KCTD13: variants seen among roughly 807,000 people sequenced by gnomAD.
The protein encoded by KCTD13 is potassium channel tetramerization domain containing 13.
In KCTD13, 15 loss-of-function variants were observed where a neutral mutation model predicts 32.3. The ratio of observed to expected loss-of-function variants is 0.46; its 90% CI spans 0.31 to 0.71. KCTD13 has a LOEUF of 0.71. KCTD13 is among the 30% of genes least tolerant of loss of function. The probability of loss-of-function intolerance (pLI) is 0.05; values close to 1 mark genes in which losing one functional copy is unlikely to be tolerated. For synonymous variants in KCTD13, 189 were observed against 200.1 expected (o/e 0.94, Z 0.47); for missense variants, 337 against 452.6 (o/e 0.74, Z 2.32).
intron 2 of KCTD13, chr16:29,919,465 A>C (rs1045439207): frequency 6.6e-6 from 1 of 152,222 alleles, no homozygotes; most frequent in African/African-American, 2.4e-5. Flanking sequence ...TATAACTCTT[A>C]TCATCTCTTC....
chr16:29,924,426 G>A (rs747115557), intron 1 of KCTD13, among the ~76,000 whole-genome samples: 2 of 152,000 alleles, frequency 1.3e-5, no homozygotes, highest in African/African-American at 4.8e-5. Flanking sequence ...GTTAACCCCC[G>A]AAGTTAATTC....
In KCTD13 at chr16:29,906,463, G is replaced by A. The variant is rs918005862; in HGVS notation, c.*409C>T. 3.2e-5 allele frequency: 15 copies of A among 463,268 alleles called. No homozygotes were observed. Among genetic ancestry groups the A allele is most frequent in the Non-Finnish European group, 6.0e-5 (14 of 232,196 alleles). 28.7% of individuals were successfully genotyped at this position (463,268 alleles called of 1,614,324 possible). On this transcript the variant is annotated 3_prime_UTR_variant, in exon 6 of 6. Transcript: ENST00000568000. The stretch of plus-strand genomic sequence containing the variant: ...TCTAGTACAAAGTTAAGGAGGTAGG[G>A]AGGATGGTGGGGAGGAGGGGGCGGA...
At chr16:29,911,280 C>A (rs1046052642) in intron 4 of KCTD13, 107 bp from the exon 5 acceptor site, 12 of 871,578 alleles carry the variant, frequency 1.4e-5, no homozygotes, top group Non-Finnish European at 2.0e-5. Context: ...CTGCCCAGGG[C>A]TTTGGTGCTC....
At chr16:29,925,633 G>C in intron 1 of KCTD13, 157 bp downstream of exon 1, 1 of 677,046 alleles carries the variant, frequency 1.5e-6, no homozygotes, top group East Asian at 2.7e-5. Flanking sequence ...TGAGAAAGGG[G>C]AGGAGATGGG....
Position 29,926,192 on chromosome 16 carries a change from C to G in KCTD13, c.-159G>C, listed in dbSNP as rs2068996808. 1 of 832,220 alleles carries G rather than the reference C, an allele frequency of 1.2e-6. No individual in the cohort carries two copies. The allele number at this position is 832,220 out of a possible 1,614,324, so 51.6% of individuals were successfully genotyped here. On this transcript the variant is annotated 5_prime_UTR_variant, in exon 1 of 6. Coordinates refer to ENST00000568000, the MANE Select transcript of KCTD13 (RefSeq NM_178863.5). ...GCAAGACCGGCCCTCCGCCCCATCT[C>G]GCTCGCACCACCCGGAAGCCGGCGC...
chr16:29,911,117 C>G lies in KCTD13; in HGVS notation c.614G>C (p.Arg205Pro). The G allele has an allele frequency of 6.2e-7, 1 of 1,614,162 alleles. No individual in the cohort carries two copies. Among genetic ancestry groups the G allele is most frequent in the Non-Finnish European group, 8.5e-7 (1 of 1,180,016 alleles). The change falls in exon 5 of 6, where the codon CGC becomes CCC. Residue 205 changes from arginine to proline, a missense_variant. Transcript: ENST00000568000. ...NIELFDKLAL[R>P]FHGRLLFLKD... ...GAGGAAGAGTAGCCGCCCGTGGAAG[C>G]GCAGGGCCAGCTTGTCGAACAGCTC...
Position 29,926,204 on chromosome 16 carries a change from C to A in KCTD13, c.-171G>T. 4.1e-6 allele frequency: 3 copies of A among 736,322 alleles called. No homozygotes were observed. Among genetic ancestry groups the A allele is most frequent in the Non-Finnish European group, 5.9e-6 (3 of 510,198 alleles). The allele number at this position is 736,322 out of a possible 1,614,324, so 45.6% of individuals were successfully genotyped here. ...CTCCGCCCCATCTCGCTCGCACCAC[C>A]CGGAAGCCGGCGCCGGGCAGCTGCG... On this transcript the variant is annotated 5_prime_UTR_variant, in exon 1 of 6. Coordinates refer to ENST00000568000, the MANE Select transcript of KCTD13 (RefSeq NM_178863.5).
intron 1 of KCTD13, 27 bp downstream of exon 1, chr16:29,925,763 G>C (rs763201405): frequency 1.2e-6 from 2 of 1,608,896 alleles, no homozygotes; most frequent in African/African-American, 1.3e-5. Context: ...GTCTGGGGTG[G>C]GGGCACGGTA....
intron 1 of KCTD13, chr16:29,925,564 C>A (rs2068979847): frequency 1.7e-6 from 1 of 583,218 alleles, no homozygotes; most frequent in African/African-American, 1.9e-5. Flanking sequence ...TTAGGGGTTC[C>A]GTAAGTGTTG....
At position 29,911,965 on chromosome 16, in the gene KCTD13, A is replaced by G. The variant is rs2068721185; in HGVS notation, c.499T>C (p.Ser167Pro). The stretch of plus-strand genomic sequence containing the variant: ...GCAGGGCTTGGGGGCCTCACCTTGG[A>G]GGTGCTGGCCAGGAGCTGCTGCTCC... ...REEQQLLAST[S>P]KPVVKLLHNR... The change falls in exon 3 of 6, where the codon TCC (serine) becomes CCC (proline). Residue 167 changes from serine to proline, a missense_variant. Physicochemically the swap from Ser to Pro is moderately conservative, Grantham distance 74 (BLOSUM62 -1). Coordinates refer to ENST00000568000, the MANE Select transcript of KCTD13 (RefSeq NM_178863.5). The G allele has an allele frequency of 6.2e-7, 1 of 1,611,256 alleles. No individual in the cohort carries two copies. Among genetic ancestry groups the G allele is most frequent in the Admixed American group, 1.7e-5 (1 of 59,010 alleles).
At chr16:29,911,437 C>T (rs2068707463) in intron 4 of KCTD13, 1 of 560,462 alleles carries the variant, frequency 1.8e-6, no homozygotes, top group Non-Finnish European at 3.1e-6. Context: ...GTCCTGGTGT[C>T]CCCATTTTTT....
At chr16:29,907,223 G>A in intron 5 of KCTD13, 115 bp from the exon 6 acceptor site, 1 of 672,134 alleles carries the variant, frequency 1.5e-6, no homozygotes, top group South Asian at 1.9e-5. Context: ...CAGGTCCTTG[G>A]GCCTGGCCTG....
intron 2 of KCTD13, among the ~76,000 whole-genome samples, chr16:29,915,605 CAAA>C (rs200326928): frequency 6.7e-5 from 8 of 118,916 alleles, no homozygotes; most frequent in Admixed American, 8.9e-5. Flanking sequence ...TGAGCTATCT[CAAA>C]AAAAAAAAAA....
intron 1 of KCTD13, among the ~76,000 whole-genome samples, chr16:29,925,213 A>T (rs1164221622): frequency 6.6e-6 from 1 of 152,052 alleles, no homozygotes; most frequent in Non-Finnish European, 1.5e-5. Flanking sequence ...TGCCAAGGAG[A>T]CCTGTCCACC....
At chr16:29,921,804 T>A (rs560059068) in intron 2 of KCTD13, 2 of 152,214 alleles carry the variant, frequency 1.3e-5, no homozygotes, top group East Asian at 1.9e-4. Context: ...ACCCCGTCTC[T>A]ACTAAAAATA....
chr16:29,918,879 T>C lies in KCTD13; in HGVS notation c.414+4311A>G, dbSNP rs185947178. Among the ~76,000 whole-genome samples the C allele has an allele frequency of 2.3e-3, 349 of 152,108 alleles. 1 individual carries two copies. The highest frequency in any genetic ancestry group is 8.1e-3 in the African/African-American group (337 of 41,490). ...TTCACCATGTTGGCCAGGCTGGTCTTGAACTCCTGACCTTGTGATCCACCT... is the reference window on the plus strand; with the variant it reads ...TTCACCATGTTGGCCAGGCTGGTCTCGAACTCCTGACCTTGTGATCCACCT... On this transcript the variant is annotated intron_variant, in intron 2 of 5. Transcript: ENST00000568000.
intron 2 of KCTD13, 115 bp from the exon 3 acceptor site, chr16:29,912,164 G>C: frequency 1.4e-6 from 1 of 710,184 alleles, no homozygotes; most frequent in South Asian, 1.6e-5. Flanking sequence ...GGTCCGCAGG[G>C]CTCTGCAGGC....
chr16:29,911,575 GGGATA>G lies in KCTD13; in HGVS notation c.557+235_557+239del, dbSNP rs1452065475. The G allele has an allele frequency of 2.5e-5, 15 of 594,362 alleles. No individual in the cohort carries two copies. The African/African-American group carries it at 2.8e-4, about 11-fold the overall frequency. The allele number at this position is 594,362 out of a possible 1,614,324, so 36.8% of individuals were successfully genotyped here. A position where few individuals can be genotyped will look rare whatever the true frequency, so the allele number is the denominator to read the frequency against. ...GCCAGTTCCTAGAATGAGAGCACTT[GGGATA>G]GGCTCGCCACTATCACTTTGTCCTC... On this transcript the variant is annotated intron_variant, in intron 4 of 5. Coordinates refer to ENST00000568000, the MANE Select transcript of KCTD13 (RefSeq NM_178863.5).
At position 29,926,179 on chromosome 16, in the gene KCTD13, C is replaced by A; in HGVS notation, c.-146G>T. 1 of 958,178 alleles carries A rather than the reference C, an allele frequency of 1.0e-6. No homozygotes were observed. The highest frequency in any genetic ancestry group is 1.4e-6 in the Non-Finnish European group (1 of 701,394). 59.4% of individuals were successfully genotyped at this position (958,178 alleles called of 1,614,324 possible). On this transcript the variant is annotated 5_prime_UTR_variant, in exon 1 of 6. The change creates a new upstream start codon in the 5' untranslated region. Coordinates refer to ENST00000568000, the MANE Select transcript of KCTD13 (RefSeq NM_178863.5). ...CCGCAGCTACTCTGCAAGACCGGCCCTCCGCCCCATCTCGCTCGCACCACC... is the reference window on the plus strand; with the variant it reads ...CCGCAGCTACTCTGCAAGACCGGCCATCCGCCCCATCTCGCTCGCACCACC...
Sources: gnomAD v4.1 joint callset for allele counts (sites outside exome capture counted in the v4.1 genomes callset) on GRCh38, gnomAD v4.1.1 for gene constraint, MANE v1.5 for transcripts, NCBI Gene and HGNC (gene_info 2026-07-23, HGNC 2026-07-21) for gene names.